Variants in PEBP4 observed in about 807,000 individuals in gnomAD.
PEBP4 encodes phosphatidylethanolamine-binding protein 4.
Under a neutral mutation model 23.9 loss-of-function variants are expected in PEBP4, and 22 were observed. That is an observed-to-expected ratio of 0.92 (90% CI 0.66 to 1.31). The LOEUF (loss-of-function observed/expected upper bound fraction) is 1.31, where lower values mean the gene tolerates loss of function less well. PEBP4 is among the 40% of genes most tolerant of loss of function. The pLI, the probability that PEBP4 is intolerant of heterozygous loss-of-function variation, is 0.00. For missense variants in PEBP4, 324 were observed against 281.7 expected (o/e 1.15, Z -1.07); for synonymous variants, 112 against 99.3 (o/e 1.13, Z -0.76).
intron 1 of PEBP4, among the ~76,000 whole-genome samples, chr8:22,938,474 C>T (rs899454717): frequency 6.6e-6 from 1 of 152,090 alleles, no homozygotes; most frequent in Non-Finnish European, 1.5e-5. Flanking sequence ...AGTACTTCCA[C>T]CAGGACAGTA....
chr8:22,786,276 G>T (rs537166710), intron 4 of PEBP4, among the ~76,000 whole-genome samples: 23 of 151,846 alleles, frequency 1.5e-4, no homozygotes, highest in Admixed American at 9.2e-4. Context: ...CTGTTTTTTT[G>T]TTTGTTTGTT....
At chr8:22,786,811 G>A (rs1806037775) in intron 4 of PEBP4, among the ~76,000 whole-genome samples, 3 of 148,614 alleles carry the variant, frequency 2.0e-5, no homozygotes, top group Admixed American at 2.0e-4. Context: ...AAACAGGGCT[G>A]CACCCCCTAC....
At chr8:22,726,331 C>T (rs903818538) in intron 5 of PEBP4, among the ~76,000 whole-genome samples, 4 of 152,192 alleles carry the variant, frequency 2.6e-5, no homozygotes, top group African/African-American at 9.6e-5. Context: ...GGCATGTGGG[C>T]TGTGGAGTAC....
intron 2 of PEBP4, among the ~76,000 whole-genome samples, chr8:22,926,385 C>T (rs146101430): frequency 2.6e-5 from 4 of 152,222 alleles, no homozygotes; most frequent in African/African-American, 9.6e-5. Flanking sequence ...GGCTCTGTTG[C>T]CCAGGCTGGA....
chr8:22,828,892 C>T (rs1273564304), intron 3 of PEBP4, among the ~76,000 whole-genome samples: 1 of 152,136 alleles, frequency 6.6e-6, no homozygotes, highest in Non-Finnish European at 1.5e-5. Flanking sequence ...TCCATAGCTA[C>T]ACCCTGAAGC....
intron 3 of PEBP4, among the ~76,000 whole-genome samples, chr8:22,883,533 T>C (rs551609321): frequency 3.7e-4 from 56 of 150,776 alleles, no homozygotes; most frequent in Middle Eastern, 3.5e-3. Flanking sequence ...AAAGGTGAGC[T>C]GAAGGTGGCA....
intron 4 of PEBP4, among the ~76,000 whole-genome samples, chr8:22,769,536 C>A (rs1805676501): frequency 6.6e-6 from 1 of 152,170 alleles, no homozygotes; most frequent in Admixed American, 6.5e-5. Flanking sequence ...CCTTCCTTTC[C>A]TGCTGCGTGG....
intron 4 of PEBP4, among the ~76,000 whole-genome samples, chr8:22,759,023 G>T (rs1160778639): frequency 6.6e-6 from 1 of 152,138 alleles, no homozygotes; most frequent in Admixed American, 6.5e-5. Flanking sequence ...GTGGGAGGAG[G>T]GCCATGGGAA....
intron 4 of PEBP4, among the ~76,000 whole-genome samples, chr8:22,803,264 C>T (rs1239742896): frequency 6.6e-6 from 1 of 152,192 alleles, no homozygotes; most frequent in Non-Finnish European, 1.5e-5. Context: ...CCCCTGAAGA[C>T]ACAGCAGCCC....
chr8:22,780,673 G>A (rs1805895576), intron 4 of PEBP4, among the ~76,000 whole-genome samples: 1 of 152,180 alleles, frequency 6.6e-6, no homozygotes. Flanking sequence ...CACCCACCAG[G>A]AAGAAAAGGG....
intron 4 of PEBP4, among the ~76,000 whole-genome samples, chr8:22,790,263 T>C (rs1373446360): frequency 6.6e-6 from 1 of 152,194 alleles, no homozygotes; most frequent in Non-Finnish European, 1.5e-5. Context: ...GAGAGCTAGG[T>C]GCAGTTTTGC....
At chr8:22,918,936 T>C (rs1288676975) in intron 3 of PEBP4, among the ~76,000 whole-genome samples, 1 of 151,818 alleles carries the variant, frequency 6.6e-6, no homozygotes, top group East Asian at 1.9e-4. Context: ...TGTGCACATG[T>C]GCACACATGT....
intron 3 of PEBP4, chr8:22,879,197 C>G (rs185275041): frequency 6.6e-6 from 1 of 152,186 alleles, no homozygotes; most frequent in South Asian, 2.1e-4. Flanking sequence ...GGCCACAGAA[C>G]GAGAGTGTGG....
At chr8:22,833,284 C>A (rs1462424234) in intron 3 of PEBP4, among the ~76,000 whole-genome samples, 1 of 152,184 alleles carries the variant, frequency 6.6e-6, no homozygotes, top group African/African-American at 2.4e-5. Context: ...ATCCATCAAG[C>A]CTATCTGGAG....
chr8:22,844,927 C>T (rs979231765), intron 3 of PEBP4, among the ~76,000 whole-genome samples: 1 of 152,230 alleles, frequency 6.6e-6, no homozygotes, highest in African/African-American at 2.4e-5. Context: ...GGGCCACTCT[C>T]AACCCTATGA....
intron 3 of PEBP4, among the ~76,000 whole-genome samples, chr8:22,905,204 T>C (rs1015303553): frequency 6.6e-6 from 1 of 152,182 alleles, no homozygotes; most frequent in Non-Finnish European, 1.5e-5. Flanking sequence ...ATTTTTTATA[T>C]TGTAAATGGA....
chr8:22,753,110 C>T (rs1211351095), intron 4 of PEBP4, among the ~76,000 whole-genome samples: 10 of 152,154 alleles, frequency 6.6e-5, no homozygotes, highest in East Asian at 3.8e-4. Context: ...GCACATTGAT[C>T]GAGTGCCTAC....
intron 4 of PEBP4, among the ~76,000 whole-genome samples, chr8:22,737,157 G>A (rs990486627): frequency 6.6e-6 from 1 of 152,110 alleles, no homozygotes; most frequent in African/African-American, 2.4e-5. Flanking sequence ...AGCAAGGCGT[G>A]GTGGCAGGCG....
chr8:22,756,478 C>A (rs1805384434), intron 4 of PEBP4, among the ~76,000 whole-genome samples: 2 of 152,244 alleles, frequency 1.3e-5, no homozygotes, highest in African/African-American at 4.8e-5. Flanking sequence ...CTGCTGGATG[C>A]ATCTCTCCGC....
Sources: allele counts gnomAD v4.1 joint callset (sites outside exome capture counted in the v4.1 genomes callset), GRCh38; gene constraint gnomAD v4.1.1; transcripts MANE v1.5; gene names NCBI Gene and HGNC (gene_info 2026-07-23, HGNC 2026-07-21).